Variants in SAMMSON observed in about 807,000 individuals in gnomAD.
The protein encoded by SAMMSON is long intergenic non-protein coding RNA 1212.
At chr3:70,314,288 A>G (rs990399540) in intron 7 of SAMMSON, among the ~76,000 whole-genome samples, 1 of 152,230 alleles carries the variant, frequency 6.6e-6, no homozygotes, top group Non-Finnish European at 1.5e-5. Flanking sequence ...AAAACAGCAT[A>G]TCAAAAACTG....
chr3:70,410,423 A>G (rs980460883), intron 2 of SAMMSON, among the ~76,000 whole-genome samples: 1 of 152,200 alleles, frequency 6.6e-6, no homozygotes, highest in Non-Finnish European at 1.5e-5. Context: ...TAAGACATTG[A>G]TAGTCTACAC....
In SAMMSON at chr3:70,423,096, T is replaced by G. The variant is rs1019303427; in HGVS notation, n.234-39464T>G. Among the ~76,000 whole-genome samples the G allele has an allele frequency of 6.6e-5, 10 of 152,002 alleles. No individual in the cohort carries two copies. The South Asian group carries it at 1.7e-3, about 25-fold the overall frequency. On this transcript the variant is annotated intron_variant and non_coding_transcript_variant, in intron 2 of 3. Transcript: ENST00000641053. ...TATATACATAATGTTTACTAAAAATTGCTTGTTTAATAAATAGATATGTGT... is the reference window on the plus strand; with the variant it reads ...TATATACATAATGTTTACTAAAAATGGCTTGTTTAATAAATAGATATGTGT...
chr3:70,010,997 T>G (rs1559771330), intron 1 of SAMMSON, among the ~76,000 whole-genome samples: 2 of 152,102 alleles, frequency 1.3e-5, no homozygotes, highest in South Asian at 2.1e-4. Flanking sequence ...GGTTCCAACC[T>G]TGACTCATGG....
At chr3:70,187,688 G>T (rs988677029) in intron 4 of SAMMSON, among the ~76,000 whole-genome samples, 4 of 151,662 alleles carry the variant, frequency 2.6e-5, no homozygotes, top group African/African-American at 4.8e-5. Flanking sequence ...CGCCCGTCTC[G>T]GCCTCCCAAA....
rs189895836 is a variant in SAMMSON at position 70,382,645 on chromosome 3, A to G, written n.914-6929A>G. 2.0e-5 allele frequency among the ~76,000 whole-genome samples: 3 copies of G among 151,094 alleles called. No homozygotes were observed. The Admixed American group carries it at 2.0e-4, about 10-fold the overall frequency. Reference sequence around the variant, plus strand: ...CAAGCAGATAGCAATTCTGTACACTAGTAAGCTGATACTTGTTTAGTAATT... The same window carrying G: ...CAAGCAGATAGCAATTCTGTACACTGGTAAGCTGATACTTGTTTAGTAATT... On this transcript the variant is annotated intron_variant and non_coding_transcript_variant, in intron 9 of 9. Coordinates refer to ENST00000642114, the Ensembl canonical transcript of SAMMSON.
intron 4 of SAMMSON, among the ~76,000 whole-genome samples, chr3:70,100,350 G>A (rs940489630): frequency 4.6e-5 from 7 of 152,006 alleles, no homozygotes; most frequent in Non-Finnish European, 1.0e-4. Flanking sequence ...GTTTCACTGT[G>A]TTGCTCAGGC....
In SAMMSON at chr3:70,201,544, G is replaced by T. The variant is rs529548167; in HGVS notation, n.508-47563G>T. Among the ~76,000 whole-genome samples the T allele has an allele frequency of 3.9e-5, 6 of 152,244 alleles. No homozygotes were observed. In the South Asian group the frequency reaches 1.0e-3, roughly 26 times the overall value. On this transcript the variant is annotated intron_variant and non_coding_transcript_variant, in intron 4 of 9. Coordinates refer to ENST00000642114, the Ensembl canonical transcript of SAMMSON. ...ACAGGCCTCCAGATCACCCTGAGTTGAGTACTATTATGATCCCTGTTTATG... is the reference window on the plus strand; with the variant it reads ...ACAGGCCTCCAGATCACCCTGAGTTTAGTACTATTATGATCCCTGTTTATG...
intron 4 of SAMMSON, among the ~76,000 whole-genome samples, chr3:70,076,963 G>T (rs901710453): frequency 6.6e-6 from 1 of 152,166 alleles, no homozygotes; most frequent in Non-Finnish European, 1.5e-5. Context: ...TGACAAATCA[G>T]TGGTGGCTTG....
intron 3 of SAMMSON, among the ~76,000 whole-genome samples, chr3:70,063,284 A>G (rs563452763): frequency 1.3e-5 from 2 of 152,214 alleles, no homozygotes; most frequent in Admixed American, 6.5e-5. Flanking sequence ...TCTACACCAA[A>G]TATATCTTTA....
At chr3:70,413,516 C>T (rs10510996) in intron 2 of SAMMSON, among the ~76,000 whole-genome samples, 35,422 of 151,844 alleles carry the variant, frequency 0.23, 4,230 homozygotes, top group East Asian at 0.32. Flanking sequence ...AGAAAATGTA[C>T]GCAGAGTAAT....
intron 4 of SAMMSON, among the ~76,000 whole-genome samples, chr3:70,121,487 C>A (rs577390316): frequency 2.6e-5 from 4 of 152,082 alleles, no homozygotes; most frequent in African/African-American, 9.7e-5. Context: ...TACACATTTA[C>A]TTTAAAGAAT....
At chr3:70,342,796 T>G (rs2106729778) in intron 7 of SAMMSON, among the ~76,000 whole-genome samples, 1 of 152,342 alleles carries the variant, frequency 6.6e-6, no homozygotes, top group South Asian at 2.1e-4. Flanking sequence ...ATTATGTTTC[T>G]TTTTGTCTAG....
chr3:70,418,741 G>GAA (rs2106772725), intron 2 of SAMMSON, among the ~76,000 whole-genome samples: 1 of 152,300 alleles, frequency 6.6e-6, no homozygotes, highest in Admixed American at 6.5e-5. Flanking sequence ...CTGAAACCCA[G>GAA]CAGTGTATAA....
intron 7 of SAMMSON, among the ~76,000 whole-genome samples, chr3:70,319,499 T>A (rs1435664204): frequency 6.6e-6 from 1 of 152,062 alleles, no homozygotes; most frequent in Non-Finnish European, 1.5e-5. Flanking sequence ...TACTCCTATC[T>A]TTCCAATCAA....
At chr3:70,276,370 T>A (rs1702026155) in intron 6 of SAMMSON, among the ~76,000 whole-genome samples, 1 of 152,216 alleles carries the variant, frequency 6.6e-6, no homozygotes, top group Non-Finnish European at 1.5e-5. Context: ...CTTCTGGAAA[T>A]GTATGTTAAT....
intron 3 of SAMMSON, among the ~76,000 whole-genome samples, chr3:70,067,541 A>G (rs929966456): frequency 3.9e-5 from 6 of 152,048 alleles, no homozygotes; most frequent in Non-Finnish European, 2.9e-5. Context: ...TCTGGATAAA[A>G]CCCAAATACA....
chr3:70,315,842 C>T (rs1369329925), intron 7 of SAMMSON, among the ~76,000 whole-genome samples: 1 of 151,998 alleles, frequency 6.6e-6, no homozygotes, highest in Non-Finnish European at 1.5e-5. Context: ...CAGCCTAGGA[C>T]ATCAGGCAAA....
intron 2 of SAMMSON, among the ~76,000 whole-genome samples, chr3:70,421,794 A>G (rs1432065927): frequency 6.6e-6 from 1 of 152,140 alleles, no homozygotes; most frequent in Non-Finnish European, 1.5e-5. Context: ...GGTCTTAATT[A>G]GCATGGGTAA....
chr3:70,103,080 C>T (rs1177574961), intron 4 of SAMMSON, among the ~76,000 whole-genome samples: 1 of 152,148 alleles, frequency 6.6e-6, no homozygotes, highest in Non-Finnish European at 1.5e-5. Flanking sequence ...GTGATGTGGA[C>T]TCTGGCAAAC....
Sources: gnomAD v4.1 joint callset for allele counts (sites outside exome capture counted in the v4.1 genomes callset) on GRCh38, gnomAD v4.1.1 for gene constraint, MANE v1.5 for transcripts, NCBI Gene and HGNC (gene_info 2026-07-23, HGNC 2026-07-21) for gene names.